The following MALRD1 variants were observed in gnomAD, a reference collection of about 807,000 sequenced individuals.
MALRD1 encodes MAM and LDL receptor class A domain containing 1.
Under a neutral mutation model 242.1 loss-of-function variants are expected in MALRD1, and 247 were observed. The ratio of observed to expected loss-of-function variants is 1.02; its 90% confidence interval spans 0.92 to 1.13. The LOEUF is 1.13. Among genes scored for constraint, MALRD1 ranks in the 50% most tolerant of loss-of-function variants. The pLI is 0.00. For missense variants in MALRD1, 2,989 were observed against 2,533.1 expected (o/e 1.18, Z -3.86); for synonymous variants, 995 against 866.6 (o/e 1.15, Z -2.60).
chr10:19,185,429 A>C (rs531011524), intron 14 of MALRD1, among the ~76,000 whole-genome samples: 42 of 152,286 alleles, frequency 2.8e-4, no homozygotes, highest in Admixed American at 4.6e-4. Flanking sequence ...GAAAAAAAAA[A>C]CATGTAAGTC....
At chr10:19,103,057 C>T (rs1836325656) in intron 4 of MALRD1, among the ~76,000 whole-genome samples, 1 of 151,718 alleles carries the variant, frequency 6.6e-6, no homozygotes, top group Non-Finnish European at 1.5e-5. Flanking sequence ...CCATGTTTGC[C>T]CGGCTGGTCT....
At chr10:19,394,100 T>C (rs1424693524) in intron 28 of MALRD1, among the ~76,000 whole-genome samples, 1 of 152,206 alleles carries the variant, frequency 6.6e-6, no homozygotes, top group African/African-American at 2.4e-5. Flanking sequence ...GAAAACATAA[T>C]GTATTCAAGC....
At chr10:19,255,774 C>T (rs905280734) in intron 18 of MALRD1, among the ~76,000 whole-genome samples, 6 of 151,922 alleles carry the variant, frequency 3.9e-5, no homozygotes, top group East Asian at 1.9e-4. Context: ...TCTGTCTTTC[C>T]GTTGGCCTTG....
At chr10:19,239,129 G>C (rs1262161230) in intron 18 of MALRD1, among the ~76,000 whole-genome samples, 1 of 151,614 alleles carries the variant, frequency 6.6e-6, no homozygotes, top group African/African-American at 2.4e-5. Context: ...TGCAGTCGGG[G>C]CTCACGGCAA....
chr10:19,695,204 A>G (rs1356052066), intron 38 of MALRD1, among the ~76,000 whole-genome samples: 1 of 152,206 alleles, frequency 6.6e-6, no homozygotes, highest in African/African-American at 2.4e-5. Flanking sequence ...CATGTACCCT[A>G]GAACTTAAAG....
chr10:19,532,191 G>A (rs1232957772), intron 32 of MALRD1, among the ~76,000 whole-genome samples: 2 of 152,070 alleles, frequency 1.3e-5, no homozygotes, highest in Admixed American at 6.6e-5. Context: ...GACTCAAAGA[G>A]GCTTAGTAAC....
At chr10:19,549,543 G>A (rs1416547109) in intron 32 of MALRD1, among the ~76,000 whole-genome samples, 1 of 152,146 alleles carries the variant, frequency 6.6e-6, no homozygotes, top group Non-Finnish European at 1.5e-5. Context: ...ATGGTCATTA[G>A]CATATTTTAG....
chr10:19,476,622 A>T (rs981665936), intron 29 of MALRD1, among the ~76,000 whole-genome samples: 1 of 152,144 alleles, frequency 6.6e-6, no homozygotes, highest in African/African-American at 2.4e-5. Flanking sequence ...AGCAATGACT[A>T]TGGATTTGAG....
chr10:19,376,240 CTG>C (rs1845588311), intron 26 of MALRD1, among the ~76,000 whole-genome samples: 1 of 152,218 alleles, frequency 6.6e-6, no homozygotes, highest in Middle Eastern at 3.2e-3. Context: ...CAAATTATAA[CTG>C]TCTCATATTT....
intron 32 of MALRD1, among the ~76,000 whole-genome samples, chr10:19,563,995 T>G (rs58829345): frequency 0.051 from 7,840 of 152,236 alleles, 657 homozygotes; most frequent in African/African-American, 0.18. Context: ...TGCTCCCAGT[T>G]GGCCTTCTGC....
intron 21 of MALRD1, among the ~76,000 whole-genome samples, chr10:19,289,142 G>T (rs1841285872): frequency 6.6e-6 from 1 of 151,940 alleles, no homozygotes; most frequent in African/African-American, 2.4e-5. Flanking sequence ...GAAAGTTTTT[G>T]TGGCTTATAT....
chr10:19,110,493 A>G (rs1187922797), intron 5 of MALRD1, among the ~76,000 whole-genome samples: 1 of 152,224 alleles, frequency 6.6e-6, no homozygotes, highest in Non-Finnish European at 1.5e-5. Context: ...CCTCAAACCT[A>G]GAAGTAAATA....
chr10:19,179,709 C>A (rs1438834066), intron 14 of MALRD1, among the ~76,000 whole-genome samples: 1 of 152,120 alleles, frequency 6.6e-6, no homozygotes, highest in Admixed American at 6.5e-5. Context: ...TTTTTAACAT[C>A]ATAATATTCT....
chr10:19,327,805 A>G (rs1436719625), intron 23 of MALRD1, 132 bp downstream of exon 23: 4 of 679,448 alleles, frequency 5.9e-6, no homozygotes, highest in Admixed American at 2.5e-5. Context: ...CGTGGACACC[A>G]TGCTTAACAC....
chr10:19,214,937 A>T (rs147615071), intron 18 of MALRD1, among the ~76,000 whole-genome samples: 231 of 152,318 alleles, frequency 1.5e-3, no homozygotes, highest in African/African-American at 4.9e-3. Flanking sequence ...ACTTTGGCTA[A>T]CTTATTCAAA....
chr10:19,591,534 T>C (rs1837785801), intron 33 of MALRD1, among the ~76,000 whole-genome samples: 1 of 151,480 alleles, frequency 6.6e-6, no homozygotes, highest in South Asian at 2.1e-4. Flanking sequence ...GTTTTGCTCT[T>C]GTTGTCCAGG....
chr10:19,401,709 C>T (rs1025967322), intron 28 of MALRD1, among the ~76,000 whole-genome samples: 3 of 151,972 alleles, frequency 2.0e-5, no homozygotes, highest in African/African-American at 7.3e-5. Flanking sequence ...CAAGTTCACA[C>T]AAGATCACAG....
chr10:19,264,639 G>T (rs1378543236), intron 19 of MALRD1, among the ~76,000 whole-genome samples: 1 of 151,856 alleles, frequency 6.6e-6, no homozygotes, highest in Non-Finnish European at 1.5e-5. Context: ...ACTTTTCGTA[G>T]ATCCGGGGTT....
At chr10:19,184,808 G>A (rs56199064) in intron 14 of MALRD1, among the ~76,000 whole-genome samples, 1,535 of 152,146 alleles carry the variant, frequency 0.01, 26 homozygotes, top group African/African-American at 0.035. Context: ...TTGGCCTCCC[G>A]AAGTGCTGAG....
Sources: gnomAD v4.1 joint callset for allele counts (sites outside exome capture counted in the v4.1 genomes callset) on GRCh38, gnomAD v4.1.1 for gene constraint, MANE v1.5 for transcripts, NCBI Gene and HGNC (gene_info 2026-07-23, HGNC 2026-07-21) for gene names.